Variants in ARHGAP6 observed in about 807,000 individuals in gnomAD.
ARHGAP6 encodes the protein Rho GTPase activating protein 6.
A neutral mutation model predicts 55.7 loss-of-function variants in ARHGAP6; 16 were observed. The ratio of observed to expected loss-of-function variants is 0.29; its 90% CI spans 0.19 to 0.44. The LOEUF is 0.44. Ranked by LOEUF, ARHGAP6 falls within the 20% of genes least tolerant of loss-of-function variation. ARHGAP6 has a pLI of 1.00. For synonymous variants in ARHGAP6, 382 were observed against 360.9 expected (o/e 1.06, Z -0.66); for missense variants, 698 against 808.9 (o/e 0.86, Z 1.66).
In ARHGAP6 at chrX:11,410,339, C is replaced by T. The variant is rs560055302; in HGVS notation, c.589-155632G>A. On this transcript the variant is annotated intron_variant, in intron 1 of 12. Coordinates refer to ENST00000337414, the MANE Select transcript of ARHGAP6 (RefSeq NM_013427.3). ...TACATGCTGCAACATGGGTGAACCTCGACAACACACTCAGTGAAAGGAGAC... is the reference window on the plus strand; with the variant it reads ...TACATGCTGCAACATGGGTGAACCTTGACAACACACTCAGTGAAAGGAGAC... Among the ~76,000 whole-genome samples the T allele has an allele frequency of 3.1e-3, 344 of 112,227 alleles. 2 individuals are homozygous for T. Among genetic ancestry groups the T allele is most frequent in the Non-Finnish European group, 5.9e-3 (312 of 53,198 alleles).
At chrX:11,277,763 T>A (rs1281142092) in intron 1 of ARHGAP6, among the ~76,000 whole-genome samples, 1 of 110,974 alleles carries the variant, frequency 9.0e-6, no homozygotes, top group East Asian at 2.8e-4. Flanking sequence ...ATTAACTAAT[T>A]TAATCATTTA....
At chrX:11,294,669 C>T (rs1052431081) in intron 1 of ARHGAP6, 1 of 836,549 alleles carries the variant, frequency 1.2e-6, no homozygotes, top group Non-Finnish European at 1.8e-6. Context: ...ATGGCTCCAT[C>T]CTTCTTACTA....
chrX:11,525,097 G>C (rs2050975651), intron 1 of ARHGAP6, among the ~76,000 whole-genome samples: 1 of 111,799 alleles, frequency 8.9e-6, no homozygotes, highest in African/African-American at 3.3e-5. Flanking sequence ...CTGCTGTACA[G>C]CCTGATTCCT....
chrX:11,185,587 A>T (rs948442197), intron 5 of ARHGAP6, among the ~76,000 whole-genome samples: 5 of 112,226 alleles, frequency 4.5e-5, no homozygotes, highest in African/African-American at 1.6e-4. Flanking sequence ...CAAACACTAT[A>T]GCATACAAAC....
chrX:11,204,021 T>C (rs887011294), intron 2 of ARHGAP6, among the ~76,000 whole-genome samples: 2 of 112,349 alleles, frequency 1.8e-5, no homozygotes, highest in Non-Finnish European at 3.8e-5. Flanking sequence ...GCTCAGTGTC[T>C]AATGCAGTGT....
intron 1 of ARHGAP6, among the ~76,000 whole-genome samples, chrX:11,494,691 G>C (rs756112323): frequency 1.8e-5 from 2 of 112,024 alleles, no homozygotes; most frequent in African/African-American, 6.5e-5. Context: ...AACCTGAAAG[G>C]AAGTCTGGAA....
chrX:11,495,281 C>A (rs1482305955), intron 1 of ARHGAP6, among the ~76,000 whole-genome samples: 6 of 111,142 alleles, frequency 5.4e-5, no homozygotes, highest in African/African-American at 2.0e-4. Flanking sequence ...TTCTCTCTGG[C>A]AGAGACTTAC....
intron 1 of ARHGAP6, among the ~76,000 whole-genome samples, chrX:11,395,655 G>T (rs759200104): frequency 8.9e-6 from 1 of 112,062 alleles, no homozygotes; most frequent in Non-Finnish European, 1.9e-5. Flanking sequence ...TATAAGACAG[G>T]CCCGGGGCAC....
chrX:11,664,831 C>A lies in ARHGAP6; in HGVS notation c.-3G>T. 8.5e-7 allele frequency: 1 copy of A among 1,178,054 alleles called. No individual in the cohort carries two copies. Among genetic ancestry groups the A allele is most frequent in the South Asian group, 1.9e-5 (1 of 51,500 alleles). On this transcript the variant is annotated 5_prime_UTR_variant, in exon 1 of 13. Coordinates refer to ENST00000337414, the MANE Select transcript of ARHGAP6 (RefSeq NM_013427.3). Reference sequence around the variant, plus strand: ...TGGAGCAGGCTCTGCGCGGACATCTCGGCGGGGCTGCACCTGAGGACCACC... The same window carrying A: ...TGGAGCAGGCTCTGCGCGGACATCTAGGCGGGGCTGCACCTGAGGACCACC...
intron 1 of ARHGAP6, among the ~76,000 whole-genome samples, chrX:11,383,151 T>A (rs750178837): frequency 8.9e-6 from 1 of 111,993 alleles, no homozygotes; most frequent in South Asian, 3.7e-4. Context: ...TTTAAGAGCC[T>A]TTTTTGCTAT....
At position 11,238,586 on chromosome X, in the gene ARHGAP6, A is replaced by G. The variant is rs753939424; in HGVS notation, c.748+15962T>C. Among the ~76,000 whole-genome samples the G allele has an allele frequency of 2.7e-5, 3 of 112,425 alleles. No homozygotes were observed. The South Asian group carries it at 1.1e-3, about 42-fold the overall frequency. On this transcript the variant is annotated intron_variant, in intron 2 of 12. Transcript: ENST00000337414. ...CCATGGGCCAGAATGAAAATTCAGG[A>G]AGATATCATAGGAAGACAGTCTAGC...
At chrX:11,244,037 T>A (rs1281984605) in intron 2 of ARHGAP6, among the ~76,000 whole-genome samples, 1 of 112,107 alleles carries the variant, frequency 8.9e-6, no homozygotes, top group African/African-American at 3.2e-5. Flanking sequence ...GACTGTAATA[T>A]AAGCACTAAA....
At chrX:11,457,413 C>G (rs371809987) in intron 1 of ARHGAP6, among the ~76,000 whole-genome samples, 7 of 111,187 alleles carry the variant, frequency 6.3e-5, no homozygotes, top group Admixed American at 3.8e-4. Context: ...TTTGCCTAAC[C>G]TTTGTCCCTA....
At chrX:11,395,853 T>C (rs1213772003) in intron 1 of ARHGAP6, among the ~76,000 whole-genome samples, 1 of 111,916 alleles carries the variant, frequency 8.9e-6, no homozygotes, top group Admixed American at 9.5e-5. Context: ...AAAATAATTA[T>C]CTCTGAATAA....
intron 1 of ARHGAP6, among the ~76,000 whole-genome samples, chrX:11,525,957 A>C (rs2050984674): frequency 8.9e-6 from 1 of 112,069 alleles, no homozygotes; most frequent in Non-Finnish European, 1.9e-5. Flanking sequence ...ACTGAGGATC[A>C]GAAAAGTAAC....
intron 1 of ARHGAP6, among the ~76,000 whole-genome samples, chrX:11,306,183 C>T (rs1292760816): frequency 8.9e-6 from 1 of 112,182 alleles, no homozygotes; most frequent in East Asian, 2.8e-4. Context: ...CTGGGAGCAG[C>T]CATCAATGAC....
At chrX:11,262,358 A>G (rs1442829495) in intron 1 of ARHGAP6, among the ~76,000 whole-genome samples, 1 of 112,211 alleles carries the variant, frequency 8.9e-6, no homozygotes, top group East Asian at 2.8e-4. Context: ...TAAAACCCAA[A>G]CAATCTAATA....
intron 1 of ARHGAP6, among the ~76,000 whole-genome samples, chrX:11,425,901 T>C (rs2049874218): frequency 9.0e-6 from 1 of 111,222 alleles, no homozygotes; most frequent in Non-Finnish European, 1.9e-5. Context: ...CAGCACACAG[T>C]TCAAAAAGGT....
At chrX:11,544,681 T>C (rs1380362312) in intron 1 of ARHGAP6, among the ~76,000 whole-genome samples, 1 of 112,197 alleles carries the variant, frequency 8.9e-6, no homozygotes, top group Non-Finnish European at 1.9e-5. Flanking sequence ...TGGTGGAATT[T>C]AATTTCACAC....
Sources: allele counts gnomAD v4.1 joint callset (sites outside exome capture counted in the v4.1 genomes callset), GRCh38; gene constraint gnomAD v4.1.1; transcripts MANE v1.5; gene names NCBI Gene and HGNC (gene_info 2026-07-23, HGNC 2026-07-21).